Variants in JDP2 observed in about 807,000 individuals in gnomAD.
The protein encoded by JDP2 is progesterone receptor co-activator.
In JDP2, 9 loss-of-function variants were observed where a neutral mutation model predicts 17.1. The observed-to-expected ratio is 0.53, with a 90% CI of 0.32 to 0.92. JDP2 has a LOEUF of 0.92. Ranked by LOEUF, JDP2 falls within the 40% of genes least tolerant of loss-of-function variation. The pLI is 0.04. For missense variants in JDP2, 179 were observed against 220.0 expected (o/e 0.81, Z 1.18); for synonymous variants, 107 against 95.6 (o/e 1.12, Z -0.69).
At chr14:75,432,093 AC>A in intron 1 of JDP2, 10 of 575,266 alleles carry the variant, frequency 1.7e-5, no homozygotes, top group South Asian at 4.3e-5. Context: ...GCCACTCTTA[AC>A]CCCCCCTTCC....
At chr14:75,437,877 C>G in intron 1 of JDP2, 21 bp from the exon 2 acceptor site, 1 of 1,543,446 alleles carries the variant, frequency 6.5e-7, no homozygotes, top group Non-Finnish European at 8.8e-7. Flanking sequence ...GACTGTCCTG[C>G]TCTTTTCCTG....
intron 2 of JDP2, among the ~76,000 whole-genome samples, chr14:75,453,557 G>A (rs968871630): frequency 5.9e-5 from 9 of 152,212 alleles, no homozygotes; most frequent in Non-Finnish European, 7.3e-5. Flanking sequence ...CTGGCATCAC[G>A]GAACTCTTCC....
rs1435939748 is a variant in JDP2 at position 75,428,234 on chromosome 14, C to G, written c.-42C>G. 6.8e-6 allele frequency: 1 copy of G among 146,078 alleles called. No individual in the cohort carries two copies. Among genetic ancestry groups the G allele is most frequent in the African/African-American group, 2.5e-5 (1 of 40,800 alleles). The allele number at this position is 146,078 out of a possible 1,614,324, so 9.0% of individuals were successfully genotyped here. A position where few individuals can be genotyped will look rare whatever the true frequency, so the allele number is the denominator to read the frequency against. On this transcript the variant is annotated 5_prime_UTR_variant, in exon 1 of 4. Coordinates refer to ENST00000651602, the MANE Select transcript of JDP2 (RefSeq NM_001135048.2). The surrounding 1 kb of genome is among the most constrained non-coding windows in gnomAD (Gnocchi z 5.6). ...GCCCCGGCCCCGGGGGCGCCGCCTC[C>G]CCCCGCACCTTCTGCACGGTGGGTG...
intron 3 of JDP2, among the ~76,000 whole-genome samples, chr14:75,465,684 G>A (rs769295954): frequency 9.9e-5 from 15 of 152,096 alleles, no homozygotes; most frequent in Non-Finnish European, 2.1e-4. Flanking sequence ...ATATTTTCTG[G>A]GAGGAAACTG....
At chr14:75,453,769 A>G (rs909643035) in intron 2 of JDP2, among the ~76,000 whole-genome samples, 5 of 152,194 alleles carry the variant, frequency 3.3e-5, no homozygotes, top group Non-Finnish European at 7.3e-5. Flanking sequence ...CAAAGCTCAC[A>G]CTGTCAACTC....
At chr14:75,459,373 G>C (rs997545542) in intron 2 of JDP2, among the ~76,000 whole-genome samples, 1 of 152,232 alleles carries the variant, frequency 6.6e-6, no homozygotes. Flanking sequence ...TTCAAAGAAG[G>C]CCAAGGGACT....
chr14:75,460,215 T>C (rs1886293930), intron 2 of JDP2, among the ~76,000 whole-genome samples: 1 of 152,150 alleles, frequency 6.6e-6, no homozygotes, highest in Non-Finnish European at 1.5e-5. Flanking sequence ...ATTTCACGCA[T>C]GGTGAGTTTA....
At chr14:75,448,056 T>G (rs1885686355) in intron 2 of JDP2, among the ~76,000 whole-genome samples, 1 of 152,170 alleles carries the variant, frequency 6.6e-6, no homozygotes, top group East Asian at 1.9e-4. Context: ...GGATACGAGA[T>G]TATCAGAAAC....
At chr14:75,437,821 T>C in intron 1 of JDP2, 77 bp from the exon 2 acceptor site, 1 of 1,006,840 alleles carries the variant, frequency 9.9e-7, no homozygotes, top group Non-Finnish European at 1.4e-6. Context: ...GCCACAGTCC[T>C]GGCAAGACGA....
chr14:75,436,686 C>A (rs139873364), intron 1 of JDP2, among the ~76,000 whole-genome samples: 1,755 of 152,358 alleles, frequency 0.012, 33 homozygotes, highest in African/African-American at 0.04. Context: ...CTTTAAGGGA[C>A]TGGCTTTATT....
intron 2 of JDP2, among the ~76,000 whole-genome samples, chr14:75,447,963 A>C (rs535631768): frequency 3.8e-4 from 58 of 152,104 alleles, no homozygotes; most frequent in Middle Eastern, 3.2e-3. Flanking sequence ...CCGGCTAGCT[A>C]GTTAGCTAGC....
intron 3 of JDP2, among the ~76,000 whole-genome samples, chr14:75,467,330 G>A (rs941005557): frequency 1.3e-5 from 2 of 152,122 alleles, no homozygotes; most frequent in Non-Finnish European, 2.9e-5. Flanking sequence ...GGTCAGACCC[G>A]CTCTTTAGCC....
intron 2 of JDP2, chr14:75,445,008 A>G: frequency 1.4e-6 from 1 of 692,090 alleles, no homozygotes; most frequent in Non-Finnish European, 1.8e-6. Context: ...TTGTATTCCC[A>G]TCAACCAACA....
At position 75,450,808 on chromosome 14, in the gene JDP2, C is replaced by T. The variant is rs369238190; in HGVS notation, c.202-10618C>T. Among the ~76,000 whole-genome samples, 22 of 152,322 alleles carry T rather than the reference C, an allele frequency of 1.4e-4. No homozygotes were observed. In the South Asian group the frequency reaches 2.1e-3, roughly 14 times the overall value. On this transcript the variant is annotated intron_variant, in intron 2 of 3. Transcript: ENST00000651602. ...AAAAGTCAACAAGATGCAGACTTTG[C>T]CCTCGTGGAACTCCCAGTTTAATGG...
In JDP2 at chr14:75,473,240, G is replaced by A. The variant is rs1348383854; in HGVS notation, c.*3765G>A. ...TGTAGTCCCAGCTACTCGGGAGGCT[G>A]AGGCAGGAGAATCACTTGGACCTGG... On this transcript the variant is annotated 3_prime_UTR_variant, in exon 4 of 4. Transcript: ENST00000651602. The A allele has an allele frequency of 6.6e-6, 1 of 152,198 alleles. No homozygotes were observed. Among genetic ancestry groups the A allele is most frequent in the Non-Finnish European group, 1.5e-5 (1 of 68,042 alleles). The allele number at this position is 152,198 out of a possible 1,614,324, so 9.4% of individuals were successfully genotyped here.
chr14:75,451,837 TCA>T (rs374182946), intron 2 of JDP2, among the ~76,000 whole-genome samples: 4,473 of 79,982 alleles, frequency 0.056, 207 homozygotes, highest in African/African-American at 0.21. Context: ...TCTCTGGGAC[TCA>T]GTTTCCTCAT....
At chr14:75,429,024 C>T (rs150205697) in intron 1 of JDP2, among the ~76,000 whole-genome samples, 6 of 151,612 alleles carry the variant, frequency 4.0e-5, no homozygotes, top group Non-Finnish European at 5.9e-5. Flanking sequence ...GGTAGGGGTG[C>T]AGTGGGGGGT....
At chr14:75,439,831 T>C (rs1043522394) in intron 2 of JDP2, among the ~76,000 whole-genome samples, 8 of 152,214 alleles carry the variant, frequency 5.3e-5, no homozygotes, top group Non-Finnish European at 1.0e-4. Context: ...AGAGCATCTG[T>C]TTCTGGATCA....
At position 75,436,898 on chromosome 14, in the gene JDP2, G is replaced by A. The variant is rs117247415; in HGVS notation, c.-23-1000G>A. Among the ~76,000 whole-genome samples the A allele has an allele frequency of 7.1e-3, 1,079 of 152,312 alleles. 6 individuals are homozygous for A. Among genetic ancestry groups the A allele is most frequent in the Non-Finnish European group, 0.013 (877 of 68,026 alleles). On this transcript the variant is annotated intron_variant, in intron 1 of 3. Coordinates refer to ENST00000651602, the MANE Select transcript of JDP2 (RefSeq NM_001135048.2). ...AATATGTGTTTGCTCTGAGAATGAAGAGAACATGGAGGTAGCCGGGCGCAG... is the reference window on the plus strand; with the variant it reads ...AATATGTGTTTGCTCTGAGAATGAAAAGAACATGGAGGTAGCCGGGCGCAG...
Sources: gnomAD v4.1 joint callset for allele counts (sites outside exome capture counted in the v4.1 genomes callset) on GRCh38, gnomAD v4.1.1 for gene constraint, Gnocchi (gnomAD v3.1) non-coding constraint, MANE v1.5 for transcripts, NCBI Gene and HGNC (gene_info 2026-07-23, HGNC 2026-07-21) for gene names.